The following GPM6B variants were observed in gnomAD, a reference collection of about 807,000 sequenced individuals.
GPM6B encodes the protein glycoprotein M6B, also known as neuronal membrane glycoprotein M6-b.
In GPM6B, 4 loss-of-function variants were observed where a neutral mutation model predicts 27.2. The observed-to-expected ratio is 0.15, with a 90% CI of 0.07 to 0.34. The LOEUF (loss-of-function observed/expected upper bound fraction) is 0.34, where lower values mean the gene tolerates loss of function less well. Ranked by LOEUF, GPM6B falls within the 10% of genes least tolerant of loss-of-function variation. GPM6B has a pLI of 1.00. For synonymous variants in GPM6B, 124 were observed against 103.1 expected (o/e 1.20, Z -1.23); for missense variants, 183 against 261.9 (o/e 0.70, Z 2.08).
intron 1 of GPM6B, among the ~76,000 whole-genome samples, chrX:13,823,254 T>C (rs1569237375): frequency 8.9e-6 from 1 of 112,299 alleles, no homozygotes; most frequent in Non-Finnish European, 1.9e-5. Flanking sequence ...CTATAAGCCG[T>C]CATTGCTAGT....
intron 1 of GPM6B, among the ~76,000 whole-genome samples, chrX:13,926,312 G>A (rs1185703438): frequency 9.3e-6 from 1 of 107,671 alleles, no homozygotes; most frequent in Admixed American, 1.0e-4. Flanking sequence ...GGAGGCTGAA[G>A]CAGGACAATG....
chrX:13,847,482 G>T (rs1002028024), intron 1 of GPM6B, among the ~76,000 whole-genome samples: 1 of 111,706 alleles, frequency 9.0e-6, no homozygotes, highest in African/African-American at 3.3e-5. Context: ...CAAGAAATAT[G>T]ATCCTATTGA....
At chrX:13,844,010 T>C (rs1166405044) in intron 1 of GPM6B, among the ~76,000 whole-genome samples, 3 of 112,394 alleles carry the variant, frequency 2.7e-5, no homozygotes, top group Non-Finnish European at 3.8e-5. Flanking sequence ...CTGTGTTTTC[T>C]TCTAACAGTT....
upstream of GPM6B, among the ~76,000 whole-genome samples, chrX:13,818,212 A>T (rs2049268884): frequency 8.9e-6 from 1 of 112,460 alleles, no homozygotes. Flanking sequence ...CCGTCCCTAT[A>T]AAAAATTAGA....
intron 1 of GPM6B, among the ~76,000 whole-genome samples, chrX:13,925,557 T>A (rs1275460692): frequency 9.8e-6 from 1 of 102,220 alleles, no homozygotes; most frequent in Non-Finnish European, 2.0e-5. Context: ...CCCCAAGTGA[T>A]CCTCCTGCCT....
chrX:13,837,710 T>TGGGGGGGGGGGGGGGG (rs771546203), intron 1 of GPM6B, among the ~76,000 whole-genome samples: 1 of 11,375 alleles, frequency 8.8e-5, no homozygotes, highest in African/African-American at 1.7e-4. Context: ...AGCAAGTTGG[T>TGGGGGGGGGGGGGGGG]GGGGGGGGGG....
At chrX:13,823,434 C>T (rs1032223351) in intron 1 of GPM6B, among the ~76,000 whole-genome samples, 1 of 111,638 alleles carries the variant, frequency 9.0e-6, no homozygotes, top group African/African-American at 3.3e-5. Context: ...CAGGAGCCAC[C>T]AAAACAGTGA....
At chrX:13,887,518 T>C (rs1329454921) in intron 1 of GPM6B, among the ~76,000 whole-genome samples, 1 of 111,662 alleles carries the variant, frequency 9.0e-6, no homozygotes, top group East Asian at 2.8e-4. Context: ...CTCCTTGAAG[T>C]TATAATTAAG....
intron 1 of GPM6B, among the ~76,000 whole-genome samples, chrX:13,899,587 G>C (rs1273606418): frequency 9.1e-6 from 1 of 110,495 alleles, no homozygotes; most frequent in East Asian, 2.8e-4. Context: ...CCCACTAGTA[G>C]TCTATTTGTG....
At chrX:13,843,491 C>T (rs1026127841) in intron 1 of GPM6B, among the ~76,000 whole-genome samples, 1 of 111,892 alleles carries the variant, frequency 8.9e-6, no homozygotes, top group Non-Finnish European at 1.9e-5. Flanking sequence ...TATGGTAATC[C>T]TATATTTAAC....
chrX:13,899,966 T>G (rs1307613502), intron 1 of GPM6B, among the ~76,000 whole-genome samples: 1 of 112,457 alleles, frequency 8.9e-6, no homozygotes, highest in East Asian at 2.8e-4. Flanking sequence ...CTACGCCTTC[T>G]TGTGTGGATT....
chrX:13,922,152 C>T (rs970742491), intron 1 of GPM6B, among the ~76,000 whole-genome samples: 2 of 111,319 alleles, frequency 1.8e-5, no homozygotes, highest in African/African-American at 6.5e-5. Flanking sequence ...CACTTCAAAA[C>T]TCAGTCTGCC....
chrX:13,905,193 T>C (rs1415877535), intron 1 of GPM6B, among the ~76,000 whole-genome samples: 1 of 96,075 alleles, frequency 1.0e-5, no homozygotes, highest in Admixed American at 1.3e-4. Flanking sequence ...ATCATGCTAC[T>C]GCACTTCAGA....
intron 1 of GPM6B, among the ~76,000 whole-genome samples, chrX:13,902,098 AGT>A (rs1603124737): frequency 9.0e-6 from 1 of 111,478 alleles, no homozygotes; most frequent in African/African-American, 3.3e-5. Context: ...CAGGAGTATA[AGT>A]GTGTGGTTTT....
At chrX:13,888,986 G>T (rs1428296740) in intron 1 of GPM6B, 1 of 111,472 alleles carries the variant, frequency 9.0e-6, no homozygotes, top group Non-Finnish European at 1.9e-5. Context: ...TTTACCTGGG[G>T]CCTTTGTCCT....
In GPM6B at chrX:13,787,041, C is replaced by CAAAAAAAAAAAAA. The variant is rs869123073; in HGVS notation, c.182-1246_182-1234dup. The stretch of plus-strand genomic sequence containing the variant: ...CTTTAGGGCAAGCACATTAAGCCAG[C>CAAAAAAAAAAAAA]AAAAAAAAAAAAAAAAAAAAAAAAA... On this transcript the variant is annotated intron_variant, in intron 2 of 7. Transcript: ENST00000316715. Among the ~76,000 whole-genome samples, 32 of 24,505 alleles carry CAAAAAAAAAAAAA rather than the reference C, an allele frequency of 1.3e-3. 4 individuals carry two copies. Among genetic ancestry groups the CAAAAAAAAAAAAA allele is most frequent in the African/African-American group, 3.3e-3 (16 of 4,883 alleles). 21.3% of individuals were successfully genotyped at this position (24,505 alleles called of 115,157 possible).
chrX:13,804,069 T>C lies in GPM6B; in HGVS notation c.181+3581A>G, dbSNP rs1001782823. 5.4e-5 allele frequency among the ~76,000 whole-genome samples: 6 copies of C among 111,850 alleles called. No individual in the cohort carries two copies. The Admixed American group carries it at 5.7e-4, about 11-fold the overall frequency. On this transcript the variant is annotated intron_variant, in intron 2 of 7. Transcript: ENST00000316715. ...CTTGGACCTTGCTCTTAATTACTGC[T>C]TCTCAAGCTTTAATGTGCATAGGAA...
chrX:13,779,691 TTACTC>T (rs2048479515), intron 5 of GPM6B, 122 bp downstream of exon 5: 9 of 560,428 alleles, frequency 1.6e-5, no homozygotes, highest in African/African-American at 7.1e-5. Flanking sequence ...AAGTATAAAA[TTACTC>T]TAATAGAAGG....
At chrX:13,885,577 C>T (rs1374033536) in intron 1 of GPM6B, among the ~76,000 whole-genome samples, 1 of 112,097 alleles carries the variant, frequency 8.9e-6, no homozygotes, top group African/African-American at 3.2e-5. Context: ...CTGGCCCCTC[C>T]TCCTCAGTGA....
Sources: gnomAD v4.1 joint callset for allele counts (sites outside exome capture counted in the v4.1 genomes callset) on GRCh38, gnomAD v4.1.1 for gene constraint, MANE v1.5 for transcripts, NCBI Gene and HGNC (gene_info 2026-07-23, HGNC 2026-07-21) for gene names.